LOC128125818: variants seen among roughly 807,000 people sequenced by gnomAD.
chr4:6,066,401 T>C, the LOC128125818 span, among the ~76,000 whole-genome samples: 19 of 152,152 alleles, frequency 1.2e-4, no homozygotes, highest in African/African-American at 3.9e-4. Context: ...GTTCTTGCAT[T>C]TGGCACCTGT....
the LOC128125818 span, among the ~76,000 whole-genome samples, chr4:6,066,139 C>T: frequency 9.2e-5 from 14 of 152,150 alleles, no homozygotes; most frequent in African/African-American, 2.9e-4. Flanking sequence ...AACATGACTT[C>T]ACCCAGAGCT....
chr4:6,067,748 A>G, the LOC128125818 span, among the ~76,000 whole-genome samples: 3 of 141,218 alleles, frequency 2.1e-5, no homozygotes, highest in African/African-American at 5.5e-5. The surrounding 1 kb of genome is among the most constrained non-coding windows in gnomAD (Gnocchi z 4.6). Flanking sequence ...TCTTCTGCAC[A>G]CGCAGGTCAC....
chr4:6,068,371 G>A, the LOC128125818 span, among the ~76,000 whole-genome samples: 1 of 152,080 alleles, frequency 6.6e-6, no homozygotes, highest in Non-Finnish European at 1.5e-5. Flanking sequence ...ATGCTGCTTT[G>A]AGGGAAAGAG....
At chr4:6,069,369 G>C in the LOC128125818 span, among the ~76,000 whole-genome samples, 1 of 152,184 alleles carries the variant, frequency 6.6e-6, no homozygotes, top group African/African-American at 2.4e-5. This position sits in a 1 kb window ranked among gnomAD's most constrained non-coding sequence, Gnocchi z 4.5. Context: ...TGAATAAAAA[G>C]GTAATTCCTC....
chr4:6,067,798 G>A, the LOC128125818 span, among the ~76,000 whole-genome samples: 3,480 of 59,548 alleles, frequency 0.058, 1 homozygote, highest in East Asian at 0.21. This position sits in a 1 kb window ranked among gnomAD's most constrained non-coding sequence, Gnocchi z 4.6. Flanking sequence ...TTCTGCACAC[G>A]CAGGTCACCC....
the LOC128125818 span, among the ~76,000 whole-genome samples, chr4:6,067,199 G>A: frequency 1.3e-5 from 2 of 152,336 alleles, no homozygotes; most frequent in African/African-American, 2.4e-5. This position sits in a 1 kb window ranked among gnomAD's most constrained non-coding sequence, Gnocchi z 4.6. Context: ...CATGAAGACA[G>A]GGGGTTGGCC....
chr4:6,069,920 GTC>G, the LOC128125818 span: 1 of 396,254 alleles, frequency 2.5e-6, no homozygotes, highest in Non-Finnish European at 4.4e-6. This position sits in a 1 kb window ranked among gnomAD's most constrained non-coding sequence, Gnocchi z 4.5. Flanking sequence ...ACCAGATCCA[GTC>G]TCTCTCAGCC....
chr4:6,066,335 C>T, the LOC128125818 span, among the ~76,000 whole-genome samples: 1 of 152,192 alleles, frequency 6.6e-6, no homozygotes, highest in African/African-American at 2.4e-5. Context: ...TGTCACCTTA[C>T]ACAGTTTCTG....
chr4:6,068,215 C>G, the LOC128125818 span, among the ~76,000 whole-genome samples: 1 of 152,178 alleles, frequency 6.6e-6, no homozygotes, highest in Admixed American at 6.5e-5. Flanking sequence ...ACTCAACTCC[C>G]AAGCCCTAAT....
the LOC128125818 span, among the ~76,000 whole-genome samples, chr4:6,065,165 G>C: frequency 6.6e-6 from 1 of 152,206 alleles, no homozygotes; most frequent in Non-Finnish European, 1.5e-5. The surrounding 1 kb of genome is among the most constrained non-coding windows in gnomAD (Gnocchi z 5.1). Flanking sequence ...AACTGACTGG[G>C]TGGGATAAAA....
the LOC128125818 span, among the ~76,000 whole-genome samples, chr4:6,065,393 C>T: frequency 6.6e-6 from 1 of 152,208 alleles, no homozygotes; most frequent in Non-Finnish European, 1.5e-5. This position sits in a 1 kb window ranked among gnomAD's most constrained non-coding sequence, Gnocchi z 5.1. Flanking sequence ...CCCAGCACTC[C>T]GTCACGCTCC....
the LOC128125818 span, among the ~76,000 whole-genome samples, chr4:6,069,752 CAAAAAA>C: frequency 8.0e-6 from 1 of 125,084 alleles, no homozygotes; most frequent in Admixed American, 8.4e-5. The surrounding 1 kb of genome is among the most constrained non-coding windows in gnomAD (Gnocchi z 4.5). Context: ...GATCCTGTCT[CAAAAAA>C]AAAAAAAAAA....
the LOC128125818 span, among the ~76,000 whole-genome samples, chr4:6,069,702 G>A: frequency 6.6e-6 from 1 of 150,780 alleles, no homozygotes; most frequent in Non-Finnish European, 1.5e-5. This position sits in a 1 kb window ranked among gnomAD's most constrained non-coding sequence, Gnocchi z 4.5. Flanking sequence ...GCAGTGAGCT[G>A]TGATTGTGCC....
chr4:6,065,774 T>C, the LOC128125818 span, among the ~76,000 whole-genome samples: 8 of 152,286 alleles, frequency 5.3e-5, no homozygotes, highest in South Asian at 2.1e-4. This position sits in a 1 kb window ranked among gnomAD's most constrained non-coding sequence, Gnocchi z 5.1. Context: ...CCAAATATCA[T>C]AGGATATGGG....
chr4:6,067,580 C>T, the LOC128125818 span, among the ~76,000 whole-genome samples: 1 of 151,410 alleles, frequency 6.6e-6, no homozygotes, highest in African/African-American at 2.4e-5. This position sits in a 1 kb window ranked among gnomAD's most constrained non-coding sequence, Gnocchi z 4.6. Flanking sequence ...GCATCTGCAG[C>T]ACTCAAGCTC....
chr4:6,065,495 G>A, the LOC128125818 span, among the ~76,000 whole-genome samples: 2 of 152,250 alleles, frequency 1.3e-5, no homozygotes, highest in Admixed American at 6.5e-5. This position sits in a 1 kb window ranked among gnomAD's most constrained non-coding sequence, Gnocchi z 5.1. Context: ...AATAAGGACA[G>A]CAGAGGGGGC....
At chr4:6,069,552 C>A in the LOC128125818 span, among the ~76,000 whole-genome samples, 1 of 152,078 alleles carries the variant, frequency 6.6e-6, no homozygotes, top group Non-Finnish European at 1.5e-5. The surrounding 1 kb of genome is among the most constrained non-coding windows in gnomAD (Gnocchi z 4.5). Context: ...AGTTCAAGAT[C>A]AACCTGGGCC....
At chr4:6,069,686 G>C in the LOC128125818 span, among the ~76,000 whole-genome samples, 1 of 151,766 alleles carries the variant, frequency 6.6e-6, no homozygotes, top group African/African-American at 2.4e-5. This position sits in a 1 kb window ranked among gnomAD's most constrained non-coding sequence, Gnocchi z 4.5. Flanking sequence ...CTGGGAGGTT[G>C]GGGCTGCAGT....
the LOC128125818 span, chr4:6,064,981 A>T: frequency 6.2e-7 from 1 of 1,614,102 alleles, no homozygotes; most frequent in South Asian, 1.1e-5. This position sits in a 1 kb window ranked among gnomAD's most constrained non-coding sequence, Gnocchi z 4.3. Flanking sequence ...TCCTCATCAA[A>T]TCCAAAAAAT....
Sources: allele counts gnomAD v4.1 joint callset (sites outside exome capture counted in the v4.1 genomes callset), GRCh38; gene constraint gnomAD v4.1.1; non-coding constraint Gnocchi (gnomAD v3.1); transcripts MANE v1.5.